Variants in MAP4K1 observed in about 807,000 individuals in gnomAD.
MAP4K1 encodes MAPK/ERK kinase kinase kinase 1.
In MAP4K1, 35 loss-of-function variants were observed where a neutral mutation model predicts 122.8. The ratio of observed to expected loss-of-function variants is 0.29; its 90% CI spans 0.22 to 0.38. The LOEUF is 0.38. Among genes scored for constraint, MAP4K1 ranks in the 10% least tolerant of loss-of-function variants. MAP4K1 has a pLI of 1.00. For missense variants in MAP4K1, 791 were observed against 1,072.6 expected, an observed-to-expected ratio of 0.74 and a Z score of 3.67; for synonymous variants, 412 against 421.3, an observed-to-expected ratio of 0.98 and a Z score of 0.27.
intron 29 of MAP4K1, among the ~76,000 whole-genome samples, chr19:38,594,414 C>T (rs1320698346): frequency 1.3e-5 from 2 of 151,984 alleles, no homozygotes; most frequent in African/African-American, 4.8e-5. Context: ...CTGAGGCGGG[C>T]AGATCACTTG....
intron 30 of MAP4K1, 78 bp downstream of exon 30, chr19:38,593,204 G>T: frequency 1.4e-6 from 2 of 1,386,018 alleles, no homozygotes; most frequent in South Asian, 2.5e-5. Context: ...GAGATACCTT[G>T]CTGGGGACAC....
chr19:38,614,414 G>A lies in MAP4K1; in HGVS notation c.345C>T (p.Ser115=). Residue 115 remains serine (S), a synonymous_variant, in exon 5 of 31, where the codon AGC becomes AGT. Transcript: ENST00000396857. The part of the protein sequence containing the change: ...VTGSLSELQI[S]YVCREVLQGL... ...CCTGGAGCACTTCCCGGCAGACATA[G>A]CTAATCTGGAGCTCTGACAGGGAGC... 1 of 1,614,200 alleles carries A rather than the reference G, an allele frequency of 6.2e-7. No homozygotes were observed. Among genetic ancestry groups the A allele is most frequent in the Non-Finnish European group, 8.5e-7 (1 of 1,180,036 alleles).
In MAP4K1 at chr19:38,597,644, A is replaced by T; in HGVS notation, c.1670-50T>A. On this transcript the variant is annotated intron_variant, in intron 22 of 30. Coordinates refer to ENST00000396857, the MANE Select transcript of MAP4K1 (RefSeq NM_001042600.3). This position sits in a 1 kb window ranked among gnomAD's most constrained non-coding sequence, Gnocchi z 4.6. ...GAAGCAGGAAGTTATAGGATCCCAT[A>T]TACCACTTCCTTTCCTCCATCCCTT... The T allele has an allele frequency of 7.8e-7, 1 of 1,274,982 alleles. No homozygotes were observed. The allele number at this position is 1,274,982 out of a possible 1,614,324, so 79.0% of individuals were successfully genotyped here.
chr19:38,613,613 G>A (rs1273873235), intron 8 of MAP4K1, among the ~76,000 whole-genome samples: 8 of 152,052 alleles, frequency 5.3e-5, no homozygotes, highest in Non-Finnish European at 1.2e-4. Context: ...TGCAAACTGA[G>A]CTAGAGGAAA....
chr19:38,602,921 TAC>T (rs1350395575), intron 19 of MAP4K1, among the ~76,000 whole-genome samples: 2 of 148,502 alleles, frequency 1.3e-5, no homozygotes, highest in Admixed American at 6.8e-5. Context: ...TGTACACATA[TAC>T]GCATATACAT....
In MAP4K1 at chr19:38,605,484, T is replaced by A; in HGVS notation, c.1371A>T (p.Ser457=). ...SPHLTAHSEP[S]LWNPPSRELD... ...GCTCCCGGGAGGGTGGGTTCCAGAGTGAGGGTTCTGAGAGGGGTTAGGAGA... is the reference window on the plus strand; with the variant it reads ...GCTCCCGGGAGGGTGGGTTCCAGAGAGAGGGTTCTGAGAGGGGTTAGGAGA... The change falls in exon 19 of 31, where the codon TCA becomes TCT. Residue 457 remains serine (S), a synonymous_variant. Transcript: ENST00000396857. 6.3e-7 allele frequency: 1 copy of A among 1,586,902 alleles called. No homozygotes were observed. Among genetic ancestry groups the A allele is most frequent in the Non-Finnish European group, 8.6e-7 (1 of 1,168,354 alleles).
At chr19:38,604,241 T>C (rs1239553807) in intron 19 of MAP4K1, among the ~76,000 whole-genome samples, 1 of 151,984 alleles carries the variant, frequency 6.6e-6, no homozygotes, top group African/African-American at 2.4e-5. Context: ...ACTACGTGTG[T>C]AGGCATTATG....
chr19:38,593,608 A>G (rs1169272591), intron 29 of MAP4K1, among the ~76,000 whole-genome samples: 1 of 152,250 alleles, frequency 6.6e-6, no homozygotes, highest in Non-Finnish European at 1.5e-5. Flanking sequence ...GATCTGAGGC[A>G]GAAGAATCAC....
At chr19:38,592,975 C>T (rs1048773654) in intron 30 of MAP4K1, among the ~76,000 whole-genome samples, 1 of 152,004 alleles carries the variant, frequency 6.6e-6, no homozygotes, top group East Asian at 1.9e-4. Flanking sequence ...TGGCACATGC[C>T]GGTAGTTCCA....
chr19:38,599,296 C>A (rs1476869184), intron 22 of MAP4K1, among the ~76,000 whole-genome samples: 2 of 137,668 alleles, frequency 1.5e-5, no homozygotes, highest in Non-Finnish European at 3.0e-5. Context: ...TGCAGTTAGC[C>A]AAGATCACGC....
At position 38,597,418 on chromosome 19, in the gene MAP4K1, C is replaced by T; in HGVS notation, c.1779-34G>A. 1 of 1,613,464 alleles carries T rather than the reference C, an allele frequency of 6.2e-7. No individual in the cohort carries two copies. On this transcript the variant is annotated intron_variant, in intron 23 of 30. Coordinates refer to ENST00000396857, the MANE Select transcript of MAP4K1 (RefSeq NM_001042600.3). This position sits in a 1 kb window ranked among gnomAD's most constrained non-coding sequence, Gnocchi z 4.6. Reference sequence around the variant, plus strand: ...TAGGTAGGTGTGAAGGGGGGTAGGACAGCAGGAGGCAGAGGGGCATGGGAG... The same window carrying T: ...TAGGTAGGTGTGAAGGGGGGTAGGATAGCAGGAGGCAGAGGGGCATGGGAG...
chr19:38,609,673 A>T lies in MAP4K1; in HGVS notation c.929T>A (p.Leu310Gln), dbSNP rs1486871110. The stretch of plus-strand genomic sequence containing the variant: ...GATCCGCCGAGGGATAGCAGGGGGT[A>T]GCTGGGCAGAGGGGCAGCCACGTCA... ...IGDIEDEEPELPPAIPRRIRS... is the reference protein window; with the variant it reads ...IGDIEDEEPEQPPAIPRRIRS... Residue 310 changes from leucine (L) to glutamine (Q), a missense_variant and splice_region_variant, in exon 13 of 31, where the codon CTA becomes CAA. Physicochemically the swap from Leu to Gln is moderately radical, Grantham distance 113. Transcript: ENST00000396857. 1.2e-6 allele frequency: 2 copies of T among 1,611,468 alleles called. No homozygotes were observed. Among genetic ancestry groups the T allele is most frequent in the Admixed American group, 1.7e-5 (1 of 59,788 alleles).
In MAP4K1 at chr19:38,587,808, C is replaced by T. The variant is rs1165749230; in HGVS notation, c.2406G>A (p.Val802=). ...FRLLGSPRPV[V]VETRPVDDPT... is the part of the protein sequence containing the mutation. The stretch of plus-strand genomic sequence containing the variant: ...GATCATCCACTGGGCGTGTCTCCAC[C>T]ACTACAGGCCTGTGGAAGGAAGAGA... The change falls in exon 31 of 31, where the codon GTG becomes GTA. Residue 802 remains valine, a synonymous_variant. Transcript: ENST00000396857. The T allele has an allele frequency of 1.2e-6, 2 of 1,613,424 alleles. No homozygotes were observed. The highest frequency in any genetic ancestry group is 1.1e-5 in the South Asian group (1 of 91,056).
At position 38,617,409 on chromosome 19, in the gene MAP4K1, T is replaced by C. The variant is rs1328673669; in HGVS notation, c.193A>G (p.Ile65Val). ...TTGGCGTGCCGGCAAGTTTTCAATATGAGGATTTCCTTCTGAAGGGTGGAG... is the reference window on the plus strand; with the variant it reads ...TTGGCGTGCCGGCAAGTTTTCAATACGAGGATTTCCTTCTGAAGGGTGGAG... ...DVSTLQKEIL[I>V]LKTCRHANIV... Residue 65 changes from isoleucine (I) to valine (V), a missense_variant, in exon 3 of 31, where the codon ATA becomes GTA. Coordinates refer to ENST00000396857, the MANE Select transcript of MAP4K1 (RefSeq NM_001042600.3). This position sits in a 1 kb window ranked among gnomAD's most constrained non-coding sequence, Gnocchi z 4.1. 8 of 1,613,898 alleles carry C rather than the reference T, an allele frequency of 5.0e-6. No individual in the cohort carries two copies. Among genetic ancestry groups the C allele is most frequent in the Non-Finnish European group, 5.9e-6 (7 of 1,179,946 alleles).
intron 4 of MAP4K1, among the ~76,000 whole-genome samples, chr19:38,615,174 GC>G (rs1244727137): frequency 2.0e-5 from 3 of 151,664 alleles, no homozygotes; most frequent in Non-Finnish European, 4.4e-5. Context: ...CAAGTGCAGG[GC>G]CCCAGGTGGG....
chr19:38,605,342 T>TAC, intron 19 of MAP4K1, 67 bp downstream of exon 19: 1 of 651,964 alleles, frequency 1.5e-6, no homozygotes, highest in Non-Finnish European at 2.8e-6. Context: ...TGCCACCCCC[T>TAC]CCCCACCCCA....
Position 38,597,718 on chromosome 19 carries a change from A to G in MAP4K1, c.1670-124T>C, listed in dbSNP as rs1257870458. 3.2e-6 allele frequency: 2 copies of G among 631,726 alleles called. No homozygotes were observed. Among genetic ancestry groups the G allele is most frequent in the Admixed American group, 5.9e-5 (2 of 33,786 alleles). The allele number at this position is 631,726 out of a possible 1,614,324, so 39.1% of individuals were successfully genotyped here. A position where few individuals can be genotyped will look rare whatever the true frequency, so the allele number is the denominator to read the frequency against. On this transcript the variant is annotated intron_variant, in intron 22 of 30. Coordinates refer to ENST00000396857, the MANE Select transcript of MAP4K1 (RefSeq NM_001042600.3). The surrounding 1 kb of genome is among the most constrained non-coding windows in gnomAD (Gnocchi z 4.6). ...GAAACTCCCAAGCCTGCAAGTCTCA[A>G]GTACTTGTCATTCATTCATTCATTT...
chr19:38,617,207 T>C lies in MAP4K1; in HGVS notation c.248+147A>G. The C allele has an allele frequency of 1.6e-6, 1 of 633,282 alleles. No homozygotes were observed. Among genetic ancestry groups the C allele is most frequent in the Non-Finnish European group, 2.8e-6 (1 of 357,608 alleles). The allele number at this position is 633,282 out of a possible 1,614,324, so 39.2% of individuals were successfully genotyped here. On this transcript the variant is annotated intron_variant, in intron 3 of 30. Coordinates refer to ENST00000396857, the MANE Select transcript of MAP4K1 (RefSeq NM_001042600.3). This position sits in a 1 kb window ranked among gnomAD's most constrained non-coding sequence, Gnocchi z 4.1. ...TTGCAGTGAGCTGAGATCATGCCAC[T>C]GCACTCCAGCCTGGCAACAGAACAA... is the stretch of plus-strand genomic sequence containing the variant.
At chr19:38,590,328 T>A (rs78045742) in intron 30 of MAP4K1, among the ~76,000 whole-genome samples, 114,637 of 114,640 alleles carry the variant, frequency 1, 57,317 homozygotes, top group Middle Eastern at 1. Flanking sequence ...CCGGCTTAAT[T>A]ATAAAGAAAC....
Sources: allele counts gnomAD v4.1 joint callset (sites outside exome capture counted in the v4.1 genomes callset), GRCh38; gene constraint gnomAD v4.1.1; non-coding constraint Gnocchi (gnomAD v3.1); transcripts MANE v1.5; gene names NCBI Gene and HGNC (gene_info 2026-07-23, HGNC 2026-07-21).